The following ZNF469 variants were observed in gnomAD, a reference collection of about 807,000 sequenced individuals.
ZNF469 encodes zinc finger protein 469.
In ZNF469, 1 loss-of-function variant was observed where a neutral mutation model predicts 1.0. That is an observed-to-expected ratio of 1.00 (90% CI 0.35 to 4.73). ZNF469 has a LOEUF of 4.73. Ranked by LOEUF, ZNF469 falls within the 30% of genes most tolerant of loss-of-function variation. The pLI is 0.16. For missense variants in ZNF469, 6,100 were observed against 5,356.3 expected, an observed-to-expected ratio of 1.14 and a Z score of -4.33; for synonymous variants, 2,703 against 2,363.4, an observed-to-expected ratio of 1.14 and a Z score of -4.17.
chr16:88,373,745 C>T, the ZNF469 span, among the ~76,000 whole-genome samples: 1 of 152,102 alleles, frequency 6.6e-6, no homozygotes, highest in Non-Finnish European at 1.5e-5. Context: ...GCCTATAATC[C>T]CAGCACTTTA....
chr16:88,327,004 C>G, the ZNF469 span, among the ~76,000 whole-genome samples: 1 of 152,208 alleles, frequency 6.6e-6, no homozygotes, highest in Non-Finnish European at 1.5e-5. Flanking sequence ...TGAGCTGTCT[C>G]CTGGGTCAGG....
chr16:88,194,090 C>T, the ZNF469 span, among the ~76,000 whole-genome samples: 5,194 of 152,290 alleles, frequency 0.034, 105 homozygotes, highest in Non-Finnish European at 0.054. Flanking sequence ...TTTAAGCTCC[C>T]GCCCCTGGTT....
At chr16:88,362,096 C>A in the ZNF469 span, among the ~76,000 whole-genome samples, 1 of 152,198 alleles carries the variant, frequency 6.6e-6, no homozygotes, top group East Asian at 1.9e-4. Context: ...GATTCTTCAA[C>A]TTTGTTCTTT....
At chr16:88,184,076 G>A in the ZNF469 span, among the ~76,000 whole-genome samples, 1 of 151,946 alleles carries the variant, frequency 6.6e-6, no homozygotes, top group Non-Finnish European at 1.5e-5. Context: ...CTTGAAGTGG[G>A]CATAGATTTG....
chr16:88,346,598 G>A, the ZNF469 span, among the ~76,000 whole-genome samples: 518 of 152,270 alleles, frequency 3.4e-3, 3 homozygotes, highest in African/African-American at 0.011. Flanking sequence ...GGCTCACCGC[G>A]GCCTGAACCT....
At chr16:88,381,281 C>G (rs886408904), upstream of ZNF469, among the ~76,000 whole-genome samples, 4 of 150,336 alleles carry the variant, frequency 2.7e-5, no homozygotes, top group African/African-American at 4.9e-5. Flanking sequence ...CATGCACTCA[C>G]ACACACGCAC....
the ZNF469 span, among the ~76,000 whole-genome samples, chr16:88,256,894 CCTT>C: frequency 5.8e-5 from 3 of 51,520 alleles, no homozygotes; most frequent in African/African-American, 2.1e-4. Flanking sequence ...TCTTTTCTTT[CCTT>C]CTTTCTTTCT....
chr16:88,390,263 AC>A (rs1904450355), intron 1 of ZNF469, among the ~76,000 whole-genome samples: 2 of 151,984 alleles, frequency 1.3e-5, no homozygotes, highest in Non-Finnish European at 2.9e-5. Context: ...GTCCTGTGGC[AC>A]CTTCCCCAGT....
At chr16:88,352,490 G>C in the ZNF469 span, among the ~76,000 whole-genome samples, 131 of 152,342 alleles carry the variant, frequency 8.6e-4, no homozygotes, top group African/African-American at 2.9e-3. Context: ...GGCACGGAAG[G>C]GCACACTGGG....
At chr16:88,172,917 A>G in the ZNF469 span, among the ~76,000 whole-genome samples, 1 of 152,218 alleles carries the variant, frequency 6.6e-6, no homozygotes, top group African/African-American at 2.4e-5. Context: ...GTTCGAATCA[A>G]AGCAGAGAAA....
rs1325527862 is a variant in ZNF469, at chr16:88,440,198, T to G, written c.*866T>G. The G allele has an allele frequency of 6.6e-6, 1 of 152,222 alleles. No individual in the cohort carries two copies. Among genetic ancestry groups the G allele is most frequent in the Non-Finnish European group, 1.5e-5 (1 of 68,050 alleles). 9.4% of individuals were successfully genotyped at this position (152,222 alleles called of 1,614,324 possible). A position where few individuals can be genotyped will look rare whatever the true frequency, so the allele number is the denominator to read the frequency against. On this transcript the variant is annotated 3_prime_UTR_variant, in exon 3 of 3. Coordinates refer to ENST00000565624, the MANE Select transcript of ZNF469 (RefSeq NM_001367624.2). The stretch of plus-strand genomic sequence containing the variant: ...TGAATACAGGCTTCCTTGATTTTTT[T>G]TTTTAATGGGGGTATTGGGTGGGAC...
the ZNF469 span, among the ~76,000 whole-genome samples, chr16:88,336,737 C>T: frequency 6.6e-6 from 1 of 152,266 alleles, no homozygotes; most frequent in African/African-American, 2.4e-5. Flanking sequence ...CACGCAGACT[C>T]ATCCTTCACA....
chr16:88,135,255 G>A, the ZNF469 span, among the ~76,000 whole-genome samples: 5 of 152,244 alleles, frequency 3.3e-5, no homozygotes, highest in Non-Finnish European at 5.9e-5. Flanking sequence ...CCTCTTGGCC[G>A]AGCCCAGTCT....
the ZNF469 span, among the ~76,000 whole-genome samples, chr16:88,269,038 C>T: frequency 6.6e-6 from 1 of 152,178 alleles, no homozygotes; most frequent in African/African-American, 2.4e-5. Context: ...AGGGTCTGGG[C>T]CATGCAGGGC....
the ZNF469 span, among the ~76,000 whole-genome samples, chr16:88,113,752 CCTT>C: frequency 2.2e-3 from 269 of 124,068 alleles, 2 homozygotes; most frequent in African/African-American, 6.7e-3. Flanking sequence ...GGCGTGCGTC[CCTT>C]CTTCTTAATT....
intron 1 of ZNF469, among the ~76,000 whole-genome samples, chr16:88,419,104 C>G (rs1213874342): frequency 6.6e-6 from 1 of 152,234 alleles, no homozygotes; most frequent in African/African-American, 2.4e-5. Flanking sequence ...GCCTTGCTGT[C>G]TCGGGTGACC....
chr16:88,264,136 A>T, the ZNF469 span, among the ~76,000 whole-genome samples: 1,938 of 152,062 alleles, frequency 0.013, 47 homozygotes, highest in African/African-American at 0.044. Context: ...CGTCCTCTGC[A>T]TGTGGCAGGC....
chr16:88,407,391 G>A (rs1056085289), intron 1 of ZNF469, among the ~76,000 whole-genome samples: 2 of 152,244 alleles, frequency 1.3e-5, no homozygotes, highest in Non-Finnish European at 2.9e-5. Flanking sequence ...AGCAAGCCTG[G>A]ACAGGGATGG....
chr16:88,163,176 G>A, the ZNF469 span, among the ~76,000 whole-genome samples: 5,082 of 19,070 alleles, frequency 0.27, 369 homozygotes, highest in African/African-American at 0.3. Context: ...ATGGGTAGAC[G>A]GATGGATGGA....
Sources: gnomAD v4.1 joint callset for allele counts (sites outside exome capture counted in the v4.1 genomes callset) on GRCh38, gnomAD v4.1.1 for gene constraint, MANE v1.5 for transcripts, NCBI Gene and HGNC (gene_info 2026-07-23, HGNC 2026-07-21) for gene names.